Variants in RORA observed in about 807,000 individuals in gnomAD.
RORA encodes the protein nuclear receptor ROR-alpha.
A neutral mutation model predicts 69.5 loss-of-function variants in RORA; 7 were observed. That is an observed-to-expected ratio of 0.10 (90% CI 0.06 to 0.19). The LOEUF (loss-of-function observed/expected upper bound fraction) is 0.19. RORA is among the 10% of genes least tolerant of loss of function. RORA has a pLI of 1.00. For synonymous variants in RORA, 261 were observed against 240.8 expected (o/e 1.08, Z -0.78); for missense variants, 457 against 663.0 (o/e 0.69, Z 3.41).
intron 1 of RORA, among the ~76,000 whole-genome samples, chr15:61,003,557 A>T: frequency 6.6e-6 from 1 of 152,150 alleles, no homozygotes; most frequent in Non-Finnish European, 1.5e-5. Flanking sequence ...GACAAACTAG[A>T]TTTATCTTTG....
intron 2 of RORA, among the ~76,000 whole-genome samples, chr15:60,589,424 C>T (rs1339090654): frequency 6.6e-6 from 1 of 152,166 alleles, no homozygotes; most frequent in Admixed American, 6.5e-5. Flanking sequence ...TCATATGAAG[C>T]AAAGGGGTAT....
intron 1 of RORA, among the ~76,000 whole-genome samples, chr15:60,896,539 T>C (rs1372275737): frequency 2.0e-5 from 3 of 152,328 alleles, no homozygotes; most frequent in Middle Eastern, 3.4e-3. Flanking sequence ...TTCCTTAGCA[T>C]GTGTGACATG....
At chr15:60,629,438 G>A (rs1313663564) in intron 2 of RORA, among the ~76,000 whole-genome samples, 1 of 152,122 alleles carries the variant, frequency 6.6e-6, no homozygotes, top group Non-Finnish European at 1.5e-5. Context: ...TCTCATTAGA[G>A]TCTAAGCTCC....
chr15:60,632,416 A>G (rs905031167), intron 2 of RORA, among the ~76,000 whole-genome samples: 1 of 152,102 alleles, frequency 6.6e-6, no homozygotes, highest in Non-Finnish European at 1.5e-5. Context: ...CTCACTACCT[A>G]TGTATTTTCT....
At chr15:60,921,775 G>T (rs8025436) in intron 1 of RORA, among the ~76,000 whole-genome samples, 2 of 152,082 alleles carry the variant, frequency 1.3e-5, no homozygotes, top group Admixed American at 6.5e-5. Context: ...CCTCATCTGC[G>T]AAACCAGCAT....
chr15:60,505,583 T>C lies in RORA; in HGVS notation c.867A>G (p.Gln289=), dbSNP rs1289091991. The C allele has an allele frequency of 6.2e-7, 1 of 1,613,992 alleles. No individual in the cohort carries two copies. Among genetic ancestry groups the C allele is most frequent in the East Asian group, 2.2e-5 (1 of 44,870 alleles). ...TCTGCTGGAGCTCTTCTCTCAAGTA[T>C]TGGCAGGTTTCCAGATGCGATTTAG... ...NISKSHLETC[Q]YLREELQQIT... The change falls in exon 6 of 11, where the codon CAA becomes CAG. Residue 289 remains glutamine, a synonymous_variant. Coordinates refer to ENST00000335670, the MANE Select transcript of RORA (RefSeq NM_134261.3).
chr15:61,145,119 C>T (rs1367207539), intron 1 of RORA, among the ~76,000 whole-genome samples: 1 of 152,100 alleles, frequency 6.6e-6, no homozygotes, highest in Non-Finnish European at 1.5e-5. Flanking sequence ...ATGTCATAAA[C>T]TTACTTCTCT....
chr15:60,967,818 C>G (rs1173121179), intron 1 of RORA, among the ~76,000 whole-genome samples: 1 of 152,134 alleles, frequency 6.6e-6, no homozygotes. Flanking sequence ...AAAGCCCAGC[C>G]GCTCACAGGC....
chr15:60,997,472 A>C (rs1356232169), intron 1 of RORA, among the ~76,000 whole-genome samples: 1 of 152,202 alleles, frequency 6.6e-6, no homozygotes, highest in Non-Finnish European at 1.5e-5. Flanking sequence ...TAAAGAAAAG[A>C]TATATTTATA....
intron 1 of RORA, among the ~76,000 whole-genome samples, chr15:60,974,179 G>A (rs1407446824): frequency 6.6e-6 from 1 of 152,186 alleles, no homozygotes; most frequent in Non-Finnish European, 1.5e-5. Context: ...CCCACGTCAA[G>A]GAGCATCAGA....
At chr15:61,182,141 G>C (rs1024093916) in intron 1 of RORA, among the ~76,000 whole-genome samples, 1 of 152,140 alleles carries the variant, frequency 6.6e-6, no homozygotes, top group Non-Finnish European at 1.5e-5. Context: ...TAGAGGTAGA[G>C]TTTTAGCCAA....
At chr15:60,648,952 C>T (rs924350014) in intron 2 of RORA, among the ~76,000 whole-genome samples, 6 of 152,284 alleles carry the variant, frequency 3.9e-5, no homozygotes, top group African/African-American at 1.4e-4. Flanking sequence ...GGATTGTCAG[C>T]TATGAAAGAG....
chr15:60,632,167 C>T (rs987172062), intron 2 of RORA, among the ~76,000 whole-genome samples: 4 of 151,044 alleles, frequency 2.6e-5, no homozygotes, highest in African/African-American at 9.8e-5. Context: ...AGTGCAGTGG[C>T]GCATCCTGGC....
intron 2 of RORA, among the ~76,000 whole-genome samples, chr15:60,564,855 G>A (rs756989765): frequency 1.6e-4 from 24 of 152,088 alleles, no homozygotes; most frequent in African/African-American, 5.8e-4. Context: ...AATGGCACCC[G>A]AACGAAAACC....
intron 1 of RORA, among the ~76,000 whole-genome samples, chr15:60,840,192 A>C (rs2073177120): frequency 6.6e-6 from 1 of 152,162 alleles, no homozygotes; most frequent in Non-Finnish European, 1.5e-5. Context: ...TATGAGAACT[A>C]GGTTTCCTTT....
At chr15:61,144,269 G>A (rs1376756356) in intron 1 of RORA, among the ~76,000 whole-genome samples, 1 of 152,230 alleles carries the variant, frequency 6.6e-6, no homozygotes, top group Non-Finnish European at 1.5e-5. Flanking sequence ...GACCTCAGCT[G>A]ATTCCACGGG....
intron 2 of RORA, among the ~76,000 whole-genome samples, chr15:60,668,975 G>A (rs763615690): frequency 2.6e-5 from 4 of 152,166 alleles, no homozygotes; most frequent in Non-Finnish European, 5.9e-5. Context: ...AGTTGACTTT[G>A]CCTACCTAAG....
intron 2 of RORA, among the ~76,000 whole-genome samples, chr15:60,597,537 ACACACACACAC>A (rs2068695974): frequency 3.2e-5 from 3 of 92,520 alleles, no homozygotes; most frequent in Non-Finnish European, 2.1e-5. Flanking sequence ...ACACACACAC[ACACACACACAC>A]AACATATATA....
At chr15:60,664,401 A>T (rs1215256097) in intron 2 of RORA, among the ~76,000 whole-genome samples, 1 of 152,180 alleles carries the variant, frequency 6.6e-6, no homozygotes, top group East Asian at 1.9e-4. Context: ...CAAAATGAAG[A>T]TAGCTCCTCT....
Sources: gnomAD v4.1 joint callset for allele counts (sites outside exome capture counted in the v4.1 genomes callset) on GRCh38, gnomAD v4.1.1 for gene constraint, MANE v1.5 for transcripts, NCBI Gene and HGNC (gene_info 2026-07-23, HGNC 2026-07-21) for gene names.